PVT1: variants seen among roughly 807,000 people sequenced by gnomAD.
The protein encoded by PVT1 is Pvt1 oncogene.
intron 4 of PVT1, among the ~76,000 whole-genome samples, chr8:128,033,335 A>G (rs963490552): frequency 3.3e-5 from 5 of 152,156 alleles, no homozygotes; most frequent in South Asian, 4.2e-4. Flanking sequence ...GTGTGTGTGT[A>G]TGTATGTGTG....
intron 3 of PVT1, among the ~76,000 whole-genome samples, chr8:127,914,970 C>T (rs1815964720): frequency 1.3e-5 from 2 of 152,010 alleles, no homozygotes; most frequent in Admixed American, 1.3e-4. Context: ...GGGTTACAGT[C>T]ATGTGCCATC....
intron 2 of PVT1, among the ~76,000 whole-genome samples, chr8:127,826,423 C>G (rs1346396481): frequency 6.6e-6 from 1 of 152,080 alleles, no homozygotes; most frequent in Admixed American, 6.6e-5. Flanking sequence ...TTCAGCCAAC[C>G]TGCACTTTAG....
intron 4 of PVT1, chr8:128,010,517 G>A (rs191095705): frequency 1.3e-5 from 2 of 152,288 alleles, no homozygotes; most frequent in African/African-American, 4.8e-5. Flanking sequence ...GGGTTTTGAT[G>A]GCTCTGGTCT....
In PVT1 at chr8:128,036,977, G is replaced by A. The variant is rs77768464; in HGVS notation, n.913-33183G>A. On this transcript the variant is annotated intron_variant and non_coding_transcript_variant, in intron 4 of 10. Transcript: ENST00000651587. The stretch of plus-strand genomic sequence containing the variant: ...CCATGGGTTTGGGCTCCTTCCCTGG[G>A]ACATTTGGGATGATTTTGATGCATA... 1.4e-3 allele frequency among the ~76,000 whole-genome samples: 206 copies of A among 152,310 alleles called. 10 individuals carry two copies. In the East Asian group the frequency reaches 0.035, roughly 26 times the overall value.
chr8:127,836,667 T>C (rs1386066681), intron 2 of PVT1, among the ~76,000 whole-genome samples: 2 of 152,154 alleles, frequency 1.3e-5, no homozygotes, highest in Non-Finnish European at 2.9e-5. Flanking sequence ...GTGCTTACAG[T>C]GTGTTACAGG....
At chr8:127,802,584 G>T (rs1814477594) in intron 2 of PVT1, among the ~76,000 whole-genome samples, 2 of 152,104 alleles carry the variant, frequency 1.3e-5, no homozygotes, top group South Asian at 4.2e-4. Context: ...GGATATATTG[G>T]GTTAAATTAT....
intron 3 of PVT1, among the ~76,000 whole-genome samples, chr8:127,915,655 G>A (rs538765158): frequency 4.1e-5 from 6 of 147,950 alleles, no homozygotes; most frequent in African/African-American, 1.2e-4. Context: ...TGGACACTAT[G>A]TCTGGCACTT....
chr8:127,908,845 G>A (rs1331716281), intron 3 of PVT1, among the ~76,000 whole-genome samples: 1 of 152,142 alleles, frequency 6.6e-6, no homozygotes, highest in Non-Finnish European at 1.5e-5. Flanking sequence ...AGGTGAGGCA[G>A]CCATCATCAC....
chr8:128,017,770 T>C (rs1302685088), intron 4 of PVT1, among the ~76,000 whole-genome samples: 1 of 152,136 alleles, frequency 6.6e-6, no homozygotes, highest in Non-Finnish European at 1.5e-5. Context: ...TAATAGGACC[T>C]GGACACACAC....
intron 3 of PVT1, among the ~76,000 whole-genome samples, chr8:127,949,258 A>T (rs182260402): frequency 3.1e-4 from 47 of 152,096 alleles, no homozygotes; most frequent in Non-Finnish European, 5.9e-4. Context: ...TTACAATAAG[A>T]CTATGTAGGT....
At chr8:128,056,820 G>T (rs935493303) in intron 4 of PVT1, among the ~76,000 whole-genome samples, 1 of 152,178 alleles carries the variant, frequency 6.6e-6, no homozygotes, top group Non-Finnish European at 1.5e-5. Flanking sequence ...CGTCATAGGC[G>T]CTTCTGATCG....
chr8:128,096,287 T>C (rs1322307286), intron 5 of PVT1, among the ~76,000 whole-genome samples: 1 of 152,244 alleles, frequency 6.6e-6, no homozygotes, highest in Admixed American at 6.5e-5. Flanking sequence ...GTTCACTATA[T>C]GTTGTCACTC....
At chr8:128,039,622 G>C (rs950692351) in intron 4 of PVT1, among the ~76,000 whole-genome samples, 1 of 152,230 alleles carries the variant, frequency 6.6e-6, no homozygotes, top group Non-Finnish European at 1.5e-5. Flanking sequence ...ATAGGGATGA[G>C]ATGGCTCAGA....
chr8:127,969,297 A>G (rs1402379755), intron 3 of PVT1, among the ~76,000 whole-genome samples: 1 of 152,164 alleles, frequency 6.6e-6, no homozygotes, highest in African/African-American at 2.4e-5. Context: ...GTTTGCATCA[A>G]CCAGGTGGCG....
At chr8:127,867,802 G>A (rs1420057466) in intron 2 of PVT1, among the ~76,000 whole-genome samples, 2 of 152,134 alleles carry the variant, frequency 1.3e-5, no homozygotes, top group African/African-American at 2.4e-5. Flanking sequence ...GAGCATCTCC[G>A]GATGAAAATG....
chr8:128,016,015 T>G (rs1441613251), intron 4 of PVT1, among the ~76,000 whole-genome samples: 1 of 152,086 alleles, frequency 6.6e-6, no homozygotes, highest in Non-Finnish European at 1.5e-5. Flanking sequence ...CTAGACGAGC[T>G]TTAGAAGGGG....
At chr8:127,907,889 G>A (rs1815842408) in intron 3 of PVT1, among the ~76,000 whole-genome samples, 1 of 152,244 alleles carries the variant, frequency 6.6e-6, no homozygotes, top group African/African-American at 2.4e-5. Flanking sequence ...ATAAGAAAGT[G>A]CTGCAGAAAG....
At chr8:128,049,472 AG>A (rs964700007) in intron 4 of PVT1, among the ~76,000 whole-genome samples, 1 of 152,110 alleles carries the variant, frequency 6.6e-6, no homozygotes, top group African/African-American at 2.4e-5. Context: ...TGTAGGGTGA[AG>A]GGCACTGGAG....
At chr8:128,087,747 CTTTTT>C (rs71568675) in intron 5 of PVT1, among the ~76,000 whole-genome samples, 1 of 76,610 alleles carries the variant, frequency 1.3e-5, no homozygotes, top group African/African-American at 4.9e-5. Context: ...TGATGTGCTA[CTTTTT>C]TTTTTTTTTT....
Sources: allele counts gnomAD v4.1 joint callset (sites outside exome capture counted in the v4.1 genomes callset), GRCh38; gene constraint gnomAD v4.1.1; transcripts MANE v1.5; gene names NCBI Gene and HGNC (gene_info 2026-07-23, HGNC 2026-07-21).